The following NCOA3 variants were observed in gnomAD, a reference collection of about 807,000 sequenced individuals.
The protein encoded by NCOA3 is nuclear receptor coactivator 3, also known as CBP-interacting protein.
NCOA3 carries 51 observed loss-of-function variants against 158.8 expected under a neutral mutation model. The ratio of observed to expected loss-of-function variants is 0.32; its 90% CI spans 0.26 to 0.41. The LOEUF (loss-of-function observed/expected upper bound fraction) is 0.41, where lower values mean the gene tolerates loss of function less well. Ranked by LOEUF, NCOA3 falls within the 10% of genes least tolerant of loss-of-function variation. NCOA3 has a pLI of 1.00. For synonymous variants in NCOA3, 537 were observed against 592.4 expected (o/e 0.91, Z 1.36); for missense variants, 1,510 against 1,746.6 (o/e 0.86, Z 2.41).
intron 2 of NCOA3, among the ~76,000 whole-genome samples, chr20:47,614,994 G>T (rs1333318445): frequency 6.6e-6 from 1 of 152,182 alleles, no homozygotes; most frequent in Non-Finnish European, 1.5e-5. Context: ...TGTTTTGGTG[G>T]TGGTGGGGAA....
chr20:47,582,935 C>T (rs1274719445), intron 1 of NCOA3, among the ~76,000 whole-genome samples: 1 of 152,236 alleles, frequency 6.6e-6, no homozygotes, highest in Non-Finnish European at 1.5e-5. Context: ...GTTGGGATTA[C>T]AGGCGGATGC....
Position 47,636,276 on chromosome 20 carries a change from T to C in NCOA3, c.1890T>C (p.Asp630=), listed in dbSNP as rs2086514071. 6.2e-7 allele frequency: 1 copy of C among 1,614,222 alleles called. No homozygotes were observed. Among genetic ancestry groups the C allele is most frequent in the Admixed American group, 1.7e-5 (1 of 60,018 alleles). ...KLLQLLTCSS[D]DRGHSSLTNS... is the part of the protein sequence containing the mutation. ...TGCAGTTACTTACCTGTTCTTCTGA[T>C]GACCGGGGTCATTCCTCCTTGACCA... Residue 630 remains aspartate (D), a synonymous_variant, in exon 12 of 23, where the codon GAT becomes GAC. Transcript: ENST00000371998.
At chr20:47,511,280 C>T (rs947585862) in intron 1 of NCOA3, among the ~76,000 whole-genome samples, 7 of 147,968 alleles carry the variant, frequency 4.7e-5, no homozygotes, top group Non-Finnish European at 1.0e-4. Flanking sequence ...GGGGGTCTCA[C>T]TGTGTTGCCC....
chr20:47,561,016 G>A (rs189043280), intron 1 of NCOA3, among the ~76,000 whole-genome samples: 1 of 136,782 alleles, frequency 7.3e-6, no homozygotes, highest in East Asian at 2.1e-4. Flanking sequence ...CACCCGGGCT[G>A]GAGTATAGTG....
At position 47,639,158 on chromosome 20, in the gene NCOA3, A is replaced by G. The variant is rs143016947; in HGVS notation, c.2663A>G (p.Asn888Ser). ...MLPKQPMLGG[N>S]PRMMDSQENY... ...CCAAAGCAACCCATGTTGGGTGGGA[A>G]TCCAAGAATGATGGATAGTCAGGAA... The change falls in exon 14 of 23, where the codon AAT becomes AGT. Residue 888 changes from asparagine (N) to serine (S), a missense_variant. By Grantham distance (46) the Asn-to-Ser change is conservative. Around this residue, in one of 4 missense-constraint regions of NCOA3, gnomAD observed 1,017 missense variants for 1,098.3 expected, o/e 0.93. Coordinates refer to ENST00000371998, the MANE Select transcript of NCOA3 (RefSeq NM_181659.3). 6.2e-7 allele frequency: 1 copy of G among 1,614,188 alleles called. No individual in the cohort carries two copies. The highest frequency in any genetic ancestry group is 2.2e-5 in the East Asian group (1 of 44,888).
At chr20:47,633,359 T>C (rs1362175784) in intron 8 of NCOA3, 137 bp from the exon 9 acceptor site, 1 of 776,828 alleles carries the variant, frequency 1.3e-6, no homozygotes, top group African/African-American at 1.8e-5. Flanking sequence ...GTGGATATAG[T>C]AGAAATTTGG....
chr20:47,517,100 C>T (rs1045660491), intron 1 of NCOA3, among the ~76,000 whole-genome samples: 2 of 152,094 alleles, frequency 1.3e-5, no homozygotes, highest in African/African-American at 4.8e-5. Context: ...TGCCAGTAAT[C>T]CCAGCTACTC....
intron 2 of NCOA3, among the ~76,000 whole-genome samples, chr20:47,604,666 G>C (rs1056799795): frequency 8.5e-5 from 13 of 152,088 alleles, no homozygotes; most frequent in Non-Finnish European, 1.6e-4. Context: ...TCAAACTCCT[G>C]GGCTCAAGTG....
Position 47,593,228 on chromosome 20 carries a change from C to T in NCOA3, c.-20+9967C>T, listed in dbSNP as rs534226344. ...GACTACAGGCCTGAGCCACTGCACC[C>T]GGCCACCACATACGTTTTAAAATCA... On this transcript the variant is annotated intron_variant, in intron 2 of 22. Transcript: ENST00000371998. Among the ~76,000 whole-genome samples, 36 of 151,610 alleles carry T rather than the reference C, an allele frequency of 2.4e-4. No homozygotes were observed. In the East Asian group the frequency reaches 2.9e-3, roughly 12 times the overall value.
At chr20:47,605,464 G>C (rs1349406123) in intron 2 of NCOA3, among the ~76,000 whole-genome samples, 1 of 151,876 alleles carries the variant, frequency 6.6e-6, no homozygotes, top group African/African-American at 2.4e-5. Context: ...TATTTATTTA[G>C]AGTACCTTTT....
rs1158236567 is a variant in NCOA3 at position 47,525,643 on chromosome 20, C to CGGCTGGCCGGACGGGGG, written c.-99+23630_-99+23646dup. ...CCCCCCACCTCCCTCCCGGACGGGG[C>CGGCTGGCCGGACGGGGG]GGCTGGCCGGACGGGGGGGCTGACC... On this transcript the variant is annotated intron_variant, in intron 1 of 22. Transcript: ENST00000371998. Among the ~76,000 whole-genome samples, 36 of 133,990 alleles carry CGGCTGGCCGGACGGGGG rather than the reference C, an allele frequency of 2.7e-4. 1 individual carries two copies. The highest frequency in any genetic ancestry group is 1.0e-3 in the African/African-American group (33 of 32,958). 87.9% of individuals were successfully genotyped at this position (133,990 alleles called of 152,430 possible). A position where few individuals can be genotyped will look rare whatever the true frequency, so the allele number is the denominator to read the frequency against.
At chr20:47,638,114 A>G (rs2086546081) in intron 13 of NCOA3, among the ~76,000 whole-genome samples, 1 of 152,216 alleles carries the variant, frequency 6.6e-6, no homozygotes, top group Non-Finnish European at 1.5e-5. Flanking sequence ...TGGATTAAAA[A>G]GCAACTCAGA....
At chr20:47,587,381 C>T (rs2085552301) in intron 2 of NCOA3, among the ~76,000 whole-genome samples, 1 of 152,150 alleles carries the variant, frequency 6.6e-6, no homozygotes, top group African/African-American at 2.4e-5. Flanking sequence ...GCTGTTTTCT[C>T]ATCTTGGCCT....
intron 1 of NCOA3, among the ~76,000 whole-genome samples, chr20:47,574,015 A>C: frequency 6.6e-6 from 1 of 152,190 alleles, no homozygotes; most frequent in East Asian, 1.9e-4. Flanking sequence ...CCATTTGTTC[A>C]GTTTTTTTGT....
At chr20:47,617,085 A>G (rs192635304) in intron 2 of NCOA3, among the ~76,000 whole-genome samples, 11 of 152,204 alleles carry the variant, frequency 7.2e-5, no homozygotes, top group Non-Finnish European at 2.9e-5. Flanking sequence ...CTTCCTGAGT[A>G]GCTGGGACTA....
intron 1 of NCOA3, among the ~76,000 whole-genome samples, chr20:47,552,299 A>T (rs2084937802): frequency 6.6e-6 from 1 of 152,226 alleles, no homozygotes; most frequent in African/African-American, 2.4e-5. Context: ...TAAATTAGCC[A>T]TAGCCCATAT....
Position 47,627,735 on chromosome 20 carries a change from T to C in NCOA3, c.707T>C (p.Met236Thr). ...CFALSQPRAM[M>T]EEGEDLQSCM... ...GCCCTGTCTCAGCCACGAGCTATGA[T>C]GGAGGAAGGGGAAGGTAAGAGCTAT... The change falls in exon 7 of 23, where the codon ATG becomes ACG. Residue 236 changes from methionine to threonine, a missense_variant. Met to Thr is a moderately conservative substitution (Grantham distance 81). Coordinates refer to ENST00000371998, the MANE Select transcript of NCOA3 (RefSeq NM_181659.3). 6.2e-7 allele frequency: 1 copy of C among 1,613,370 alleles called. No individual in the cohort carries two copies. The highest frequency in any genetic ancestry group is 8.5e-7 in the Non-Finnish European group (1 of 1,179,778).
chr20:47,523,533 G>C (rs949996354), intron 1 of NCOA3, among the ~76,000 whole-genome samples: 1 of 152,140 alleles, frequency 6.6e-6, no homozygotes, highest in Non-Finnish European at 1.5e-5. Flanking sequence ...CTTAGTAAAG[G>C]GGTTAACCAA....
chr20:47,578,330 C>T (rs1424662891), intron 1 of NCOA3, among the ~76,000 whole-genome samples: 4 of 152,096 alleles, frequency 2.6e-5, no homozygotes, highest in East Asian at 1.9e-4. Context: ...GAACTACAGG[C>T]GCCCACCACC....
Sources: gnomAD v4.1 joint callset for allele counts (sites outside exome capture counted in the v4.1 genomes callset) on GRCh38, gnomAD v4.1.1 for gene constraint, gnomAD v4.1.1 regional missense constraint, MANE v1.5 for transcripts, NCBI Gene and HGNC (gene_info 2026-07-23, HGNC 2026-07-21) for gene names.